Variants in MRPS18B observed in about 807,000 individuals in gnomAD.
MRPS18B encodes the protein small ribosomal subunit protein mS40.
Under a neutral mutation model 28.4 loss-of-function variants are expected in MRPS18B, and 27 were observed. The ratio of observed to expected loss-of-function variants is 0.95; its 90% confidence interval spans 0.70 to 1.31. The LOEUF (loss-of-function observed/expected upper bound fraction) is 1.31, where lower values mean the gene tolerates loss of function less well. Among genes scored for constraint, MRPS18B ranks in the 40% most tolerant of loss-of-function variants. The pLI, the probability that MRPS18B is intolerant of heterozygous loss-of-function variation, is 0.00. For missense variants in MRPS18B, 343 were observed against 335.9 expected (o/e 1.02, Z -0.17); for synonymous variants, 118 against 123.7 (o/e 0.95, Z 0.30).
Position 30,619,943 on chromosome 6 carries a change from A to T in MRPS18B, c.308A>T (p.Asn103Ile). The change falls in exon 4 of 7, where the codon AAT (asparagine) becomes ATT (isoleucine). Residue 103 changes from asparagine to isoleucine, a missense_variant. Physicochemically the swap from Asn to Ile is moderately radical, Grantham distance 149. Coordinates refer to ENST00000259873, the MANE Select transcript of MRPS18B (RefSeq NM_014046.4). ...CAGCGTCGGAATAAAGTTGTTGGGAATCCCTGCCCCATCTGTCGAGATCAC... is the reference window on the plus strand; with the variant it reads ...CAGCGTCGGAATAAAGTTGTTGGGATTCCCTGCCCCATCTGTCGAGATCAC... ...TCIRRNKVVG[N>I]PCPICRDHKL... The T allele has an allele frequency of 6.2e-7, 1 of 1,614,212 alleles. No homozygotes were observed. The highest frequency in any genetic ancestry group is 8.5e-7 in the Non-Finnish European group (1 of 1,180,030).
intron 5 of MRPS18B, among the ~76,000 whole-genome samples, chr6:30,624,179 A>G (rs2127468413): frequency 6.8e-6 from 1 of 146,912 alleles, no homozygotes; most frequent in South Asian, 2.2e-4. Context: ...TGCCGTCTCC[A>G]CCTCCTGGGT....
chr6:30,620,346 T>C (rs940379896), intron 4 of MRPS18B, among the ~76,000 whole-genome samples: 1 of 151,662 alleles, frequency 6.6e-6, no homozygotes, highest in African/African-American at 2.4e-5. Context: ...ATAAAAAAAA[T>C]TAAAAAGAAA....
chr6:30,625,056 T>C, intron 6 of MRPS18B, 114 bp downstream of exon 6: 1 of 1,127,558 alleles, frequency 8.9e-7, no homozygotes, highest in Middle Eastern at 2.0e-4. Flanking sequence ...ACCCAGCATG[T>C]TCTTCCTGAC....
chr6:30,625,024 C>T lies in MRPS18B; in HGVS notation c.481+82C>T, dbSNP rs966622080. ...GGGCTAGAAAATGGATATAAATGCT[C>T]ACACCTGTTCAAGATGGTAGCACCC... On this transcript the variant is annotated intron_variant, in intron 6 of 6. Coordinates refer to ENST00000259873, the MANE Select transcript of MRPS18B (RefSeq NM_014046.4). The T allele has an allele frequency of 2.7e-6, 4 of 1,466,644 alleles. No homozygotes were observed. In the African/African-American group the frequency reaches 4.2e-5, roughly 15 times the overall value. The allele number at this position is 1,466,644 out of a possible 1,614,324, so 90.9% of individuals were successfully genotyped here. A position where few individuals can be genotyped will look rare whatever the true frequency, so the allele number is the denominator to read the frequency against.
At position 30,625,617 on chromosome 6, in the gene MRPS18B, G is replaced by C. The variant is rs771267564; in HGVS notation, c.597G>C (p.Trp199Cys). 1 of 1,612,984 alleles carries C rather than the reference G, an allele frequency of 6.2e-7. No homozygotes were observed. Among genetic ancestry groups the C allele is most frequent in the Non-Finnish European group, 8.5e-7 (1 of 1,180,008 alleles). ...PAPTLVSGDP[W>C]YPWYNWKQPP... is the part of the protein sequence containing the mutation. Reference sequence around the variant, plus strand: ...CCACCCTGGTCTCAGGTGACCCCTGGTACCCATGGTACAACTGGAAACAGC... The same window carrying C: ...CCACCCTGGTCTCAGGTGACCCCTGCTACCCATGGTACAACTGGAAACAGC... The change falls in exon 7 of 7, where the codon TGG becomes TGC. Residue 199 changes from tryptophan to cysteine, a missense_variant. Trp to Cys is a radical substitution (Grantham distance 215). Transcript: ENST00000259873.
rs116693618 is a variant in MRPS18B at position 30,625,745 on chromosome 6, C to T, written c.725C>T (p.Thr242Ile). ...TCAATGCCCAAGATGCCCCCTAGAA[C>T]ACCAGCGGAAGCCTCCTCCACTGGG... ...PESMPKMPPRTPAEASSTGQT... is the reference protein window; with the variant it reads ...PESMPKMPPRIPAEASSTGQT... Residue 242 changes from threonine (T) to isoleucine (I), a missense_variant, in exon 7 of 7, where the codon ACA (threonine) becomes ATA (isoleucine). Physicochemically the swap from Thr to Ile is moderately conservative, Grantham distance 89 (BLOSUM62 -1). Transcript: ENST00000259873. 1.1e-4 allele frequency: 178 copies of T among 1,613,034 alleles called. 1 individual carries two copies. The East Asian group carries it at 3.5e-3, about 32-fold the overall frequency.
Position 30,625,837 on chromosome 6 carries a change from A to C in MRPS18B, c.*40A>C. On this transcript the variant is annotated 3_prime_UTR_variant, in exon 7 of 7. Coordinates refer to ENST00000259873, the MANE Select transcript of MRPS18B (RefSeq NM_014046.4). ...GAAGAGAGGCCAGGCGTGGTGGCTC[A>C]CTCCTGTAATCCCAGCACTTTGGGA... is the stretch of plus-strand genomic sequence containing the variant. 1 of 1,564,288 alleles carries C rather than the reference A, an allele frequency of 6.4e-7. No individual in the cohort carries two copies. The highest frequency in any genetic ancestry group is 8.7e-7 in the Non-Finnish European group (1 of 1,148,154).
Position 30,625,629 on chromosome 6 carries a change from C to T in MRPS18B, c.609C>T (p.Tyr203=), listed in dbSNP as rs746392007. ...CAGGTGACCCCTGGTACCCATGGTA[C>T]AACTGGAAACAGCCACCGGAGAGAG... ...LVSGDPWYPW[Y]NWKQPPEREL... is the part of the protein sequence containing the mutation. The change falls in exon 7 of 7, where the codon TAC becomes TAT. Residue 203 remains tyrosine (Y), a synonymous_variant. Transcript: ENST00000259873. 1 of 1,612,962 alleles carries T rather than the reference C, an allele frequency of 6.2e-7. No homozygotes were observed. Among genetic ancestry groups the T allele is most frequent in the African/African-American group, 1.3e-5 (1 of 74,924 alleles).
rs992065651 is a variant in MRPS18B at position 30,626,385 on chromosome 6, C to G, written c.*588C>G. ...CTTTTACACAATAAAGCTCTACTGT[C>G]TCTGGTTTGCTTTGGGCTGTTTCCG... On this transcript the variant is annotated 3_prime_UTR_variant, in exon 7 of 7. Transcript: ENST00000259873. 6 of 174,416 alleles carry G rather than the reference C, an allele frequency of 3.4e-5. No homozygotes were observed. The South Asian group carries it at 8.0e-4, about 23-fold the overall frequency. The allele number at this position is 174,416 out of a possible 1,614,324, so 10.8% of individuals were successfully genotyped here.
chr6:30,622,745 G>A (rs746992222), intron 4 of MRPS18B, 87 bp from the exon 5 acceptor site: 12 of 1,269,028 alleles, frequency 9.5e-6, no homozygotes, highest in Admixed American at 8.4e-5. Flanking sequence ...ATGTGGGTGT[G>A]TAGGGATTGT....
chr6:30,620,224 G>T (rs1016940252), intron 4 of MRPS18B: 1 of 498,906 alleles, frequency 2.0e-6, no homozygotes, highest in Non-Finnish European at 3.6e-6. Flanking sequence ...GGCTGAGGCA[G>T]GAGAATGGCG....
rs377043280 is a variant in MRPS18B at position 30,625,829 on chromosome 6, G to C, written c.*32G>C. 6.2e-5 allele frequency: 98 copies of C among 1,576,018 alleles called. No homozygotes were observed. The highest frequency in any genetic ancestry group is 7.9e-5 in the Non-Finnish European group (91 of 1,155,006). On this transcript the variant is annotated 3_prime_UTR_variant, in exon 7 of 7. Transcript: ENST00000259873. Reference sequence around the variant, plus strand: ...TAGACTGGGAAGAGAGGCCAGGCGTGGTGGCTCACTCCTGTAATCCCAGCA... The same window carrying C: ...TAGACTGGGAAGAGAGGCCAGGCGTCGTGGCTCACTCCTGTAATCCCAGCA...
chr6:30,617,924 G>A lies in MRPS18B; in HGVS notation c.59G>A (p.Arg20Gln). The A allele has an allele frequency of 2.5e-6, 4 of 1,614,160 alleles. No homozygotes were observed. The highest frequency in any genetic ancestry group is 3.4e-6 in the Non-Finnish European group (4 of 1,180,026). ...CGGCTTCCTATGCTATCTCTCTTCC[G>A]AGGTTCTCACAGAGTTCAGGTAACT... The part of the protein sequence containing the change: ...LRRLPMLSLF[R>Q]GSHRVQVPLQ... The change falls in exon 1 of 7, where the codon CGA becomes CAA. Residue 20 changes from arginine to glutamine, a missense_variant. By Grantham distance (43) the Arg-to-Gln change is conservative. Transcript: ENST00000259873.
At chr6:30,624,809 C>G in intron 5 of MRPS18B, 74 bp from the exon 6 acceptor site, 1 of 1,540,030 alleles carries the variant, frequency 6.5e-7, no homozygotes, top group African/African-American at 1.4e-5. Context: ...ATCTACCCCT[C>G]TGTCACCATA....
At chr6:30,622,993 CTT>C (rs1761264647) in intron 5 of MRPS18B, 95 bp downstream of exon 5, 4 of 1,249,542 alleles carry the variant, frequency 3.2e-6, no homozygotes, top group Non-Finnish European at 4.6e-6. Context: ...GTGGCTCCTG[CTT>C]ATAGCCTAAA....
chr6:30,625,046 A>C, intron 6 of MRPS18B, 104 bp downstream of exon 6: 1 of 1,244,664 alleles, frequency 8.0e-7, no homozygotes, highest in African/African-American at 1.5e-5. Context: ...AGATGGTAGC[A>C]CCCAGCATGT....
chr6:30,618,058 C>A, intron 1 of MRPS18B, 115 bp downstream of exon 1: 6 of 1,062,716 alleles, frequency 5.6e-6, no homozygotes, highest in Non-Finnish European at 8.4e-6. Context: ...TCTTAGCTGT[C>A]TAGGCAGTAC....
rs1760994096 is a variant in MRPS18B, at chr6:30,619,492, G to C, written c.79-1G>C. ...TTTTATTTTTTTCTTCTCCTTTGTA[G>C]GTTCCCCTCCAGACTCTTTGCACCA... On this transcript the variant is annotated splice_acceptor_variant, in intron 1 of 6. Coordinates refer to ENST00000259873, the MANE Select transcript of MRPS18B (RefSeq NM_014046.4). LOFTEE classifies it high-confidence loss of function. 1 of 1,610,022 alleles carries C rather than the reference G, an allele frequency of 6.2e-7. No individual in the cohort carries two copies. Among genetic ancestry groups the C allele is most frequent in the South Asian group, 1.1e-5 (1 of 90,960 alleles).
At position 30,624,956 on chromosome 6, in the gene MRPS18B, G is replaced by A. The variant is rs182690690; in HGVS notation, c.481+14G>A. 7.2e-4 allele frequency: 1,160 copies of A among 1,612,786 alleles called. 10 individuals are homozygous for A. In the African/African-American group the frequency reaches 0.014, roughly 20 times the overall value. ...CCAGGGATCATGGTGAGCATGAGAC[G>A]GGGCACACAGCAGTTTTGTTTAGGT... On this transcript the variant is annotated intron_variant, in intron 6 of 6. Coordinates refer to ENST00000259873, the MANE Select transcript of MRPS18B (RefSeq NM_014046.4).
Sources: gnomAD v4.1 joint callset for allele counts (sites outside exome capture counted in the v4.1 genomes callset) on GRCh38, gnomAD v4.1.1 for gene constraint, MANE v1.5 for transcripts, NCBI Gene and HGNC (gene_info 2026-07-23, HGNC 2026-07-21) for gene names.